The following ADAMTSL1 variants were observed in gnomAD, a reference collection of about 807,000 sequenced individuals.
ADAMTSL1 encodes ADAMTS-like protein 1.
ADAMTSL1 carries 126 observed loss-of-function variants against 201.8 expected under a neutral mutation model. The ratio of observed to expected loss-of-function variants is 0.62; its 90% CI spans 0.54 to 0.72. The LOEUF is 0.72. Among genes scored for constraint, ADAMTSL1 ranks in the 30% least tolerant of loss-of-function variants. The pLI, the probability that ADAMTSL1 is intolerant of heterozygous loss-of-function variation, is 0.00. For synonymous variants in ADAMTSL1, 1,121 were observed against 903.4 expected (o/e 1.24, Z -4.32); for missense variants, 2,679 against 2,277.8 (o/e 1.18, Z -3.59).
chr9:18,340,110 G>A lies in ADAMTSL1; in HGVS notation c.208-164719G>A, dbSNP rs73430935. On this transcript the variant is annotated intron_variant, in intron 2 of 29. Coordinates refer to the ADAMTSL1 transcript ENST00000680146. The stretch of plus-strand genomic sequence containing the variant: ...CTTCTTAAAATCTATTGATGTCTTT[G>A]GAGGAAAGAGAAACAAATGGGAAAT... Among the ~76,000 whole-genome samples, 565 of 152,200 alleles carry A rather than the reference G, an allele frequency of 3.7e-3. 3 individuals carry two copies. The highest frequency in any genetic ancestry group is 0.013 in the African/African-American group (535 of 41,540).
intron 2 of ADAMTSL1, among the ~76,000 whole-genome samples, chr9:18,182,027 C>G (rs1828503325): frequency 6.6e-6 from 1 of 151,624 alleles, no homozygotes; most frequent in African/African-American, 2.4e-5. Context: ...TCTCAGTAAA[C>G]TATTGCAAGA....
At chr9:18,607,993 A>T (rs1825135931) in intron 4 of ADAMTSL1, among the ~76,000 whole-genome samples, 1 of 152,122 alleles carries the variant, frequency 6.6e-6, no homozygotes, top group African/African-American at 2.4e-5. Context: ...GACATAAACC[A>T]CTTATTGCAA....
intron 2 of ADAMTSL1, among the ~76,000 whole-genome samples, chr9:18,410,262 A>G (rs1300977470): frequency 6.6e-6 from 1 of 151,444 alleles, no homozygotes. Context: ...GGGTTGTTAC[A>G]TAGGTAAACG....
chr9:17,926,102 C>G (rs2131305224), intron 1 of ADAMTSL1, among the ~76,000 whole-genome samples: 2 of 152,238 alleles, frequency 1.3e-5, no homozygotes, highest in Middle Eastern at 6.8e-3. Context: ...GTGATGTCTA[C>G]TGCATATGGA....
At chr9:18,386,872 T>A (rs75475094) in intron 2 of ADAMTSL1, among the ~76,000 whole-genome samples, 12,571 of 152,172 alleles carry the variant, frequency 0.083, 723 homozygotes, top group Middle Eastern at 0.15. Context: ...AAGACTATAT[T>A]CTTTAATCGT....
At chr9:18,698,493 C>G (rs1831708410) in intron 13 of ADAMTSL1, among the ~76,000 whole-genome samples, 1 of 152,016 alleles carries the variant, frequency 6.6e-6, no homozygotes, top group Non-Finnish European at 1.5e-5. Context: ...ACCATGTTGG[C>G]CAGGCTGGTC....
At chr9:18,229,174 G>A (rs1053542245) in intron 2 of ADAMTSL1, among the ~76,000 whole-genome samples, 4 of 152,082 alleles carry the variant, frequency 2.6e-5, no homozygotes, top group South Asian at 4.1e-4. Flanking sequence ...TGAGCAGCTC[G>A]GATCATCCCT....
At chr9:18,091,840 A>G (rs1433429676) in intron 1 of ADAMTSL1, among the ~76,000 whole-genome samples, 1 of 152,046 alleles carries the variant, frequency 6.6e-6, no homozygotes, top group African/African-American at 2.4e-5. Context: ...GAATAAGAAA[A>G]CAGAGCAGCA....
At chr9:18,066,132 T>C (rs886394655) in intron 1 of ADAMTSL1, among the ~76,000 whole-genome samples, 1 of 152,146 alleles carries the variant, frequency 6.6e-6, no homozygotes, top group Non-Finnish European at 1.5e-5. Context: ...CACTATGTTC[T>C]TTCAAATAAT....
chr9:18,820,070 A>G (rs938643675), intron 21 of ADAMTSL1, among the ~76,000 whole-genome samples: 16 of 152,216 alleles, frequency 1.1e-4, no homozygotes, highest in African/African-American at 3.9e-4. Flanking sequence ...CACCAATAAC[A>G]CTGCCAGTAG....
At chr9:18,846,889 G>C (rs1221041532) in intron 23 of ADAMTSL1, among the ~76,000 whole-genome samples, 1 of 152,114 alleles carries the variant, frequency 6.6e-6, no homozygotes, top group African/African-American at 2.4e-5. Context: ...CAGATTTGGG[G>C]GGTTTTTCTC....
chr9:18,401,118 G>A (rs1244900568), intron 2 of ADAMTSL1, among the ~76,000 whole-genome samples: 1 of 152,124 alleles, frequency 6.6e-6, no homozygotes, highest in Non-Finnish European at 1.5e-5. Flanking sequence ...TTATTTCTGT[G>A]ATAAATAAAT....
At chr9:18,332,356 C>T (rs1184406216) in intron 2 of ADAMTSL1, among the ~76,000 whole-genome samples, 1 of 152,132 alleles carries the variant, frequency 6.6e-6, no homozygotes, top group African/African-American at 2.4e-5. Context: ...GAATTTCCCT[C>T]AAAATAAGGA....
At chr9:18,890,911 T>G (rs936017293) in intron 25 of ADAMTSL1, 1 of 228,936 alleles carries the variant, frequency 4.4e-6, no homozygotes, top group African/African-American at 2.5e-5. Flanking sequence ...ATGGTCAGAG[T>G]CAATCAGCTT....
chr9:18,646,545 T>C (rs1160835338), intron 7 of ADAMTSL1, among the ~76,000 whole-genome samples: 2 of 146,906 alleles, frequency 1.4e-5, no homozygotes, highest in East Asian at 3.9e-4. Context: ...ATAGCTCTTA[T>C]TATTTTGAGA....
chr9:18,399,386 C>G (rs1264677936), intron 2 of ADAMTSL1, among the ~76,000 whole-genome samples: 2 of 146,918 alleles, frequency 1.4e-5, no homozygotes, highest in Admixed American at 1.4e-4. Context: ...GTCACCCAGA[C>G]TGGAGTGCAG....
chr9:17,963,037 T>C (rs561547607), intron 1 of ADAMTSL1, among the ~76,000 whole-genome samples: 1 of 152,366 alleles, frequency 6.6e-6, no homozygotes, highest in South Asian at 2.1e-4. Context: ...AGCTACCTTT[T>C]GGCAAAATGC....
intron 1 of ADAMTSL1, among the ~76,000 whole-genome samples, chr9:17,975,819 C>T (rs900214180): frequency 1.1e-4 from 16 of 152,030 alleles, no homozygotes; most frequent in African/African-American, 3.6e-4. Context: ...TAAAGCTTTT[C>T]ACCTATACTT....
At chr9:18,332,656 G>A (rs137879540) in intron 2 of ADAMTSL1, among the ~76,000 whole-genome samples, 1 of 152,084 alleles carries the variant, frequency 6.6e-6, no homozygotes, top group Admixed American at 6.6e-5. Flanking sequence ...GCTACAATAT[G>A]GACGTACAGC....
Sources: gnomAD v4.1 joint callset for allele counts (sites outside exome capture counted in the v4.1 genomes callset) on GRCh38, gnomAD v4.1.1 for gene constraint, MANE v1.5 for transcripts, NCBI Gene and HGNC (gene_info 2026-07-23, HGNC 2026-07-21) for gene names.